The following ARHGAP25 variants were observed in gnomAD, a reference collection of about 807,000 sequenced individuals.
ARHGAP25 encodes the protein Rho GTPase activating protein 25.
Under a neutral mutation model 71.0 loss-of-function variants are expected in ARHGAP25, and 34 were observed. The ratio of observed to expected loss-of-function variants is 0.48; its 90% CI spans 0.36 to 0.64. ARHGAP25 has a LOEUF of 0.64. Ranked by LOEUF, ARHGAP25 falls within the 30% of genes least tolerant of loss-of-function variation. The pLI is 0.00. For missense variants in ARHGAP25, 706 were observed against 805.1 expected, an observed-to-expected ratio of 0.88 and a Z score of 1.49; for synonymous variants, 282 against 296.5, an observed-to-expected ratio of 0.95 and a Z score of 0.50.
intron 4 of ARHGAP25, among the ~76,000 whole-genome samples, chr2:68,806,100 G>A (rs1680343333): frequency 6.6e-6 from 1 of 152,136 alleles, no homozygotes; most frequent in Admixed American, 6.5e-5. Flanking sequence ...GGGTAATTTG[G>A]GAAAATATTT....
chr2:68,757,551 A>AG (rs1676558175), intron 1 of ARHGAP25: 1 of 152,210 alleles, frequency 6.6e-6, no homozygotes, highest in South Asian at 2.1e-4. Flanking sequence ...TTTTATACGC[A>AG]GAAAAAATAT....
Position 68,714,734 on chromosome 2 carries a change from G to A in ARHGAP25, c.-18+4036G>A, listed in dbSNP as rs150022319. ...CCTTATTTATTTCTGCCTTAATTTCGTTATTTACCCAGTAGTCATTCAGGA... is the reference window on the plus strand; with the variant it reads ...CCTTATTTATTTCTGCCTTAATTTCATTATTTACCCAGTAGTCATTCAGGA... On this transcript the variant is annotated intron_variant and NMD_transcript_variant, in intron 2 of 7. Coordinates refer to the ARHGAP25 transcript ENST00000463483. 4.0e-3 allele frequency among the ~76,000 whole-genome samples: 609 copies of A among 152,022 alleles called. 2 individuals carry two copies. The highest frequency in any genetic ancestry group is 0.014 in the African/African-American group (581 of 41,444).
rs149839883 is a variant in ARHGAP25, at chr2:68,819,200, C to T, written c.1081C>T (p.Pro361Ser). The change falls in exon 9 of 11, where the codon CCC (proline) becomes TCC (serine). Residue 361 changes from proline (P) to serine (S), a missense_variant. Transcript: ENST00000409202. ...CCTCTTCCCCAAGTCCAAGGATATA[C>T]CCCTGTCACCCCCTGCCCAGAAAAA... The part of the protein sequence containing the change: ...EVLFPKSKDI[P>S]LSPPAQKNDP... The T allele has an allele frequency of 1.2e-6, 2 of 1,613,936 alleles. No individual in the cohort carries two copies. The highest frequency in any genetic ancestry group is 1.1e-5 in the South Asian group (1 of 91,026).
At chr2:68,749,388 C>G (rs1452844780) in intron 1 of ARHGAP25, among the ~76,000 whole-genome samples, 1 of 152,170 alleles carries the variant, frequency 6.6e-6, no homozygotes, top group Non-Finnish European at 1.5e-5. Context: ...CTCCTCCTTC[C>G]CCAACTGACT....
At chr2:68,824,674 G>A (rs566782504) in intron 10 of ARHGAP25, among the ~76,000 whole-genome samples, 167 of 152,172 alleles carry the variant, frequency 1.1e-3, no homozygotes, top group African/African-American at 3.4e-3. Context: ...CCTGGGAGGC[G>A]GAGCTTGCAG....
intron 2 of ARHGAP25, among the ~76,000 whole-genome samples, chr2:68,781,658 T>C (rs956809945): frequency 1.3e-5 from 2 of 152,220 alleles, no homozygotes; most frequent in African/African-American, 4.8e-5. Flanking sequence ...TCTATGACTT[T>C]GGGTAGATTA....
chr2:68,718,530 A>AGTGTGTGT (rs34203928), intron 2 of ARHGAP25, among the ~76,000 whole-genome samples: 3 of 151,134 alleles, frequency 2.0e-5, no homozygotes, highest in Admixed American at 6.6e-5. Context: ...GAAATATATA[A>AGTGTGTGT]GTGTGTGTGT....
In ARHGAP25 at chr2:68,807,410, C is replaced by G. The variant is rs370502215; in HGVS notation, c.604C>G (p.Pro202Ala). 6.2e-7 allele frequency: 1 copy of G among 1,614,230 alleles called. No homozygotes were observed. Among genetic ancestry groups the G allele is most frequent in the South Asian group, 1.1e-5 (1 of 91,090 alleles). Reference sequence around the variant, plus strand: ...GAATGAAGAGGGCATCTTCCGTCTGCCTGGGCAGGACAACCTGGTGAAGCA... The same window carrying G: ...GAATGAAGAGGGCATCTTCCGTCTGGCTGGGCAGGACAACCTGGTGAAGCA... ...GRNEEGIFRLPGQDNLVKQLR... is the reference protein window; with the variant it reads ...GRNEEGIFRLAGQDNLVKQLR... The change falls in exon 5 of 11, where the codon CCT (proline) becomes GCT (alanine). Residue 202 changes from proline (P) to alanine (A), a missense_variant. By Grantham distance (27) the Pro-to-Ala change is conservative. Coordinates refer to ENST00000409202, the MANE Select transcript of ARHGAP25 (RefSeq NM_001007231.3).
At chr2:68,710,552 A>G (rs1017113576) in exon 2 of ARHGAP25, 1 of 152,188 alleles carries the variant, frequency 6.6e-6, no homozygotes, top group African/African-American at 2.4e-5. Flanking sequence ...TCTTCCATAG[A>G]TAAGCACCAG....
intron 2 of ARHGAP25, among the ~76,000 whole-genome samples, chr2:68,727,127 C>T (rs938595663): frequency 6.6e-6 from 1 of 152,176 alleles, no homozygotes; most frequent in Non-Finnish European, 1.5e-5. Flanking sequence ...GCCATCCGGC[C>T]TATGCACTTA....
intron 10 of ARHGAP25, among the ~76,000 whole-genome samples, chr2:68,824,591 C>T (rs981282125): frequency 2.0e-5 from 3 of 151,962 alleles, no homozygotes; most frequent in Admixed American, 6.6e-5. Context: ...AAATATAAAA[C>T]ATTAGCCAGG....
chr2:68,782,180 T>C (rs1258463680), intron 2 of ARHGAP25, 53 bp from the exon 3 acceptor site: 2 of 1,505,818 alleles, frequency 1.3e-6, no homozygotes, highest in Middle Eastern at 1.7e-4. Flanking sequence ...AACCCAATTT[T>C]AGTTTATATT....
At chr2:68,737,185 AG>A (rs1675267188) in intron 1 of ARHGAP25, among the ~76,000 whole-genome samples, 2 of 152,218 alleles carry the variant, frequency 1.3e-5, no homozygotes, top group African/African-American at 4.8e-5. Flanking sequence ...ACTAGAATTC[AG>A]ATCATAATCT....
At position 68,720,763 on chromosome 2, in the gene ARHGAP25, C is replaced by A. The variant is rs559189440; in HGVS notation, c.-18+10065C>A. On this transcript the variant is annotated intron_variant and NMD_transcript_variant, in intron 2 of 7. Transcript: ENST00000463483. ...CCTACCCCTTACCACAACACAACTT[C>A]CTTTCACCTGGGGAGTCTAAGCTGA... Among the ~76,000 whole-genome samples, 2 of 152,144 alleles carry A rather than the reference C, an allele frequency of 1.3e-5. 1 individual carries two copies. The highest frequency in any genetic ancestry group is 4.1e-4 in the South Asian group (2 of 4,826).
intron 1 of ARHGAP25, among the ~76,000 whole-genome samples, chr2:68,753,250 A>G (rs1320446993): frequency 6.6e-6 from 1 of 152,234 alleles, no homozygotes; most frequent in Non-Finnish European, 1.5e-5. Context: ...ATGCTCATAT[A>G]GTAACACAGC....
At chr2:68,788,557 C>G (rs1678925636) in intron 4 of ARHGAP25, among the ~76,000 whole-genome samples, 2 of 152,188 alleles carry the variant, frequency 1.3e-5, no homozygotes, top group Admixed American at 1.3e-4. Flanking sequence ...AATTTGAGCT[C>G]TCTGGGAATC....
chr2:68,810,193 A>C (rs1310774657), intron 5 of ARHGAP25, among the ~76,000 whole-genome samples: 1 of 152,176 alleles, frequency 6.6e-6, no homozygotes, highest in African/African-American at 2.4e-5. Context: ...CAGCAAACTC[A>C]GAAAAAATAA....
chr2:68,773,990 A>T (rs1677659415), intron 1 of ARHGAP25, among the ~76,000 whole-genome samples: 1 of 152,164 alleles, frequency 6.6e-6, no homozygotes, highest in African/African-American at 2.4e-5. Flanking sequence ...CACCGTCAAA[A>T]AGTCAGGAAA....
chr2:68,714,831 T>C (rs1674572507), intron 2 of ARHGAP25, among the ~76,000 whole-genome samples: 1 of 152,088 alleles, frequency 6.6e-6, no homozygotes. Flanking sequence ...AAATATTCCT[T>C]AGTAGAAAAA....
Sources: gnomAD v4.1 joint callset for allele counts (sites outside exome capture counted in the v4.1 genomes callset) on GRCh38, gnomAD v4.1.1 for gene constraint, MANE v1.5 for transcripts, NCBI Gene and HGNC (gene_info 2026-07-23, HGNC 2026-07-21) for gene names.